HSD17B2: variants seen among roughly 807,000 people sequenced by gnomAD.
HSD17B2 encodes the protein 17-beta-hydroxysteroid dehydrogenase type 2.
In HSD17B2, 32 loss-of-function variants were observed where a neutral mutation model predicts 26.9. That is an observed-to-expected ratio of 1.19 (90% CI 0.90 to 1.60). The LOEUF is 1.60. HSD17B2 is among the 40% of genes most tolerant of loss of function. The pLI, the probability that HSD17B2 is intolerant of heterozygous loss-of-function variation, is 0.00. For synonymous variants in HSD17B2, 246 were observed against 186.7 expected, an observed-to-expected ratio of 1.32 and a Z score of -2.59; for missense variants, 613 against 468.6, an observed-to-expected ratio of 1.31 and a Z score of -2.85.
rs35272646 is a variant in HSD17B2, at chr16:82,090,302, G to GTTTTTTTTTTTTTTTTTTTTTTT, written c.665-588_665-566dup. 4 of 40,086 alleles carry GTTTTTTTTTTTTTTTTTTTTTTT rather than the reference G, an allele frequency of 1.0e-4. 1 individual carries two copies. The highest frequency in any genetic ancestry group is 1.2e-4 in the African/African-American group (1 of 8,592). 2.5% of individuals were successfully genotyped at this position (40,086 alleles called of 1,614,324 possible). ...CTCTTCATCTTACCTAAACTACATTGTTTTTTTTTTTTTTTTTTTTTTTTT... is the reference window on the plus strand; with the variant it reads ...CTCTTCATCTTACCTAAACTACATTGTTTTTTTTTTTTTTTTTTTTTTTTTTTTTTTTTTTTTTTTTTTTTTTT... On this transcript the variant is annotated intron_variant, in intron 3 of 4. Coordinates refer to ENST00000199936, the MANE Select transcript of HSD17B2 (RefSeq NM_002153.3).
At chr16:82,062,686 G>T (rs1914473060) in intron 1 of HSD17B2, among the ~76,000 whole-genome samples, 2 of 152,220 alleles carry the variant, frequency 1.3e-5, no homozygotes, top group African/African-American at 4.8e-5. Context: ...GATTCAGTGA[G>T]TAAATGCATG....
chr16:82,090,088 G>C, intron 3 of HSD17B2: 1 of 253,700 alleles, frequency 3.9e-6, no homozygotes, highest in Non-Finnish European at 6.2e-6. Context: ...TCCTCTTAAA[G>C]AGATGCCCCA....
chr16:82,071,918 T>C (rs1419457797), intron 3 of HSD17B2: 1 of 152,302 alleles, frequency 6.6e-6, no homozygotes, highest in Non-Finnish European at 1.5e-5. Flanking sequence ...GGAGTACCAC[T>C]CTTCACTGTT....
chr16:82,053,069 C>A (rs1301162704), intron 1 of HSD17B2, among the ~76,000 whole-genome samples: 1 of 152,232 alleles, frequency 6.6e-6, no homozygotes, highest in Admixed American at 6.5e-5. Context: ...CCTCTCAATG[C>A]CATCAACATA....
chr16:82,081,041 C>A (rs1184934422), intron 3 of HSD17B2, among the ~76,000 whole-genome samples: 1 of 151,994 alleles, frequency 6.6e-6, no homozygotes, highest in African/African-American at 2.4e-5. Context: ...CCCAAATCTC[C>A]CTGGTTTCTT....
At chr16:82,082,156 C>T (rs908761863) in intron 3 of HSD17B2, among the ~76,000 whole-genome samples, 4 of 152,124 alleles carry the variant, frequency 2.6e-5, no homozygotes, top group Non-Finnish European at 4.4e-5. Context: ...CTTTGTTTTC[C>T]GTTAAAGACT....
At chr16:82,039,746 C>A (rs1183501668) in intron 1 of HSD17B2, among the ~76,000 whole-genome samples, 2 of 152,068 alleles carry the variant, frequency 1.3e-5, no homozygotes, top group African/African-American at 4.8e-5. Context: ...TTCATCCTGC[C>A]CCCTCCAGTC....
chr16:82,078,411 A>T (rs546567091), intron 3 of HSD17B2, among the ~76,000 whole-genome samples: 8 of 152,240 alleles, frequency 5.3e-5, no homozygotes, highest in Non-Finnish European at 1.0e-4. Context: ...ATGTGGAGAA[A>T]GAGAACCCTT....
intron 1 of HSD17B2, among the ~76,000 whole-genome samples, chr16:82,046,605 C>T (rs1163591235): frequency 1.3e-5 from 2 of 151,910 alleles, no homozygotes; most frequent in Admixed American, 6.6e-5. Flanking sequence ...CACCTGTAAT[C>T]CCAGCTACTC....
At chr16:82,066,797 T>A (rs1211462116) in intron 1 of HSD17B2, among the ~76,000 whole-genome samples, 1 of 152,234 alleles carries the variant, frequency 6.6e-6, no homozygotes, top group Non-Finnish European at 1.5e-5. Context: ...GCAATAGCCA[T>A]GTCATTGTCA....
At chr16:82,097,997 C>T (rs1904903318) in intron 4 of HSD17B2, 78 bp from the exon 5 acceptor site, 1 of 1,448,726 alleles carries the variant, frequency 6.9e-7, no homozygotes. Flanking sequence ...GGCCATCCTT[C>T]CCAACAGAGA....
At chr16:82,045,586 G>A (rs1386738785) in intron 1 of HSD17B2, among the ~76,000 whole-genome samples, 1 of 152,230 alleles carries the variant, frequency 6.6e-6, no homozygotes, top group East Asian at 1.9e-4. Context: ...TATAGGCGAT[G>A]AGAGTTCTGC....
intron 1 of HSD17B2, among the ~76,000 whole-genome samples, chr16:82,053,165 CT>C (rs1338272144): frequency 6.6e-6 from 1 of 152,094 alleles, no homozygotes; most frequent in African/African-American, 2.4e-5. Flanking sequence ...TTGCTAAGAA[CT>C]TTTTTTTCTG....
At chr16:82,048,264 G>C (rs1445992282) in intron 1 of HSD17B2, among the ~76,000 whole-genome samples, 1 of 152,188 alleles carries the variant, frequency 6.6e-6, no homozygotes, top group African/African-American at 2.4e-5. Context: ...AGGTGGAAGG[G>C]AGACCTGGGT....
chr16:82,056,040 A>G (rs1597125297), intron 1 of HSD17B2, among the ~76,000 whole-genome samples: 1 of 152,332 alleles, frequency 6.6e-6, no homozygotes, highest in Non-Finnish European at 1.5e-5. Flanking sequence ...GAAAACTGTA[A>G]ATCACAGACA....
intron 1 of HSD17B2, among the ~76,000 whole-genome samples, chr16:82,037,583 G>A (rs1316138731): frequency 2.0e-5 from 3 of 151,896 alleles, no homozygotes; most frequent in African/African-American, 7.3e-5. Context: ...GACATAATCT[G>A]AAATATGAAA....
chr16:82,069,537 CT>C (rs1157353543), intron 2 of HSD17B2, among the ~76,000 whole-genome samples: 2 of 152,198 alleles, frequency 1.3e-5, no homozygotes, highest in Non-Finnish European at 2.9e-5. Flanking sequence ...CATTGCTCTC[CT>C]AGCTCTCCAA....
chr16:82,051,241 G>T (rs913630789), intron 1 of HSD17B2, among the ~76,000 whole-genome samples: 1 of 152,160 alleles, frequency 6.6e-6, no homozygotes, highest in African/African-American at 2.4e-5. Context: ...ACGGCTCCTG[G>T]TATGCAGTAG....
intron 1 of HSD17B2, among the ~76,000 whole-genome samples, chr16:82,064,543 C>T (rs957088046): frequency 2.0e-5 from 3 of 152,064 alleles, no homozygotes; most frequent in African/African-American, 7.2e-5. Context: ...ATTGCTAGGT[C>T]GTCTGGTGAC....
Sources: gnomAD v4.1 joint callset for allele counts (sites outside exome capture counted in the v4.1 genomes callset) on GRCh38, gnomAD v4.1.1 for gene constraint, MANE v1.5 for transcripts, NCBI Gene and HGNC (gene_info 2026-07-23, HGNC 2026-07-21) for gene names.